CSMD2: variants seen among roughly 807,000 people sequenced by gnomAD.
CSMD2 encodes CUB and Sushi multiple domains 2.
Under a neutral mutation model 398.5 loss-of-function variants are expected in CSMD2, and 130 were observed. The observed-to-expected ratio is 0.33, with a 90% CI of 0.28 to 0.38. CSMD2 has a LOEUF of 0.38. CSMD2 is among the 10% of genes least tolerant of loss of function. CSMD2 has a pLI of 1.00. For missense variants in CSMD2, 3,829 were observed against 4,764.9 expected, an observed-to-expected ratio of 0.80 and a Z score of 5.78; for synonymous variants, 1,828 against 1,908.5, an observed-to-expected ratio of 0.96 and a Z score of 1.10.
rs141893546 is a variant in CSMD2 at position 33,571,644 on chromosome 1, C to T, written c.7845G>A (p.Gln2615=). ...RLIFETQYQF[Q]AQLMLICDPG... is the part of the protein sequence containing the mutation. The stretch of plus-strand genomic sequence containing the variant: ...GGTCACAGATGAGCATCAGCTGGGC[C>T]TGGAACTGATACTGTGTCTCAAAGA... The change falls in exon 51 of 71, where the codon CAG becomes CAA. Residue 2615 remains glutamine, a synonymous_variant. Transcript: ENST00000373381. 1 of 1,588,940 alleles carries T rather than the reference C, an allele frequency of 6.3e-7. No individual in the cohort carries two copies. The highest frequency in any genetic ancestry group is 8.6e-7 in the Non-Finnish European group (1 of 1,163,926).
At chr1:33,842,812 G>A (rs1660987082) in intron 6 of CSMD2, among the ~76,000 whole-genome samples, 1 of 152,122 alleles carries the variant, frequency 6.6e-6, no homozygotes, top group South Asian at 2.1e-4. Context: ...ATTCTTTGAT[G>A]GAGGGCCATA....
At chr1:33,892,046 AAATAAT>A (rs58301570) in intron 5 of CSMD2, among the ~76,000 whole-genome samples, 37 of 147,282 alleles carry the variant, frequency 2.5e-4, no homozygotes, top group Admixed American at 1.2e-3. Flanking sequence ...ACTTAAAGTA[AAATAAT>A]AATAATAATA....
At chr1:33,758,251 C>T (rs756246185) in intron 13 of CSMD2, among the ~76,000 whole-genome samples, 26 of 152,154 alleles carry the variant, frequency 1.7e-4, no homozygotes, top group Non-Finnish European at 3.1e-4. Context: ...CTAGAATGTT[C>T]GCTCCTCCCC....
intron 3 of CSMD2, among the ~76,000 whole-genome samples, chr1:33,969,219 C>T (rs1206384297): frequency 6.6e-6 from 1 of 152,206 alleles, no homozygotes; most frequent in Non-Finnish European, 1.5e-5. Context: ...CATACACAAC[C>T]AATTTCAAAG....
At chr1:33,901,157 AT>A (rs1470021694) in intron 5 of CSMD2, among the ~76,000 whole-genome samples, 1 of 152,226 alleles carries the variant, frequency 6.6e-6, no homozygotes, top group Non-Finnish European at 1.5e-5. Flanking sequence ...CATTCCACAC[AT>A]GTGATGGCCT....
intron 5 of CSMD2, chr1:33,864,633 C>G (rs777463654): frequency 3.3e-5 from 54 of 1,613,794 alleles, no homozygotes; most frequent in Non-Finnish European, 4.3e-5. Flanking sequence ...AAGAGTGGCT[C>G]TCCTGAGAGC....
intron 26 of CSMD2, among the ~76,000 whole-genome samples, chr1:33,658,811 C>T (rs138655494): frequency 6.6e-6 from 1 of 152,282 alleles, no homozygotes; most frequent in East Asian, 1.9e-4. Context: ...CTGCAGTGAG[C>T]CATGATCATG....
chr1:34,108,080 G>T (rs1020980), intron 1 of CSMD2, among the ~76,000 whole-genome samples: 3,039 of 152,246 alleles, frequency 0.02, 99 homozygotes, highest in African/African-American at 0.069. Context: ...TTGTCTGCTT[G>T]TCAACGGTGT....
At chr1:33,747,164 T>C (rs1647499383) in intron 13 of CSMD2, among the ~76,000 whole-genome samples, 1 of 152,130 alleles carries the variant, frequency 6.6e-6, no homozygotes, top group Admixed American at 6.5e-5. Context: ...TAGGATAAAG[T>C]TGAGGTTAAC....
rs1485582878 is a variant in CSMD2 at position 33,636,409 on chromosome 1, C to A, written c.4920G>T (p.Leu1640=). 1 of 1,613,826 alleles carries A rather than the reference C, an allele frequency of 6.2e-7. No homozygotes were observed. Among genetic ancestry groups the A allele is most frequent in the East Asian group, 2.2e-5 (1 of 44,864 alleles). Residue 1640 remains leucine (L), a synonymous_variant, in exon 30 of 71, where the codon CTG becomes CTT. Transcript: ENST00000373381. The surrounding 1 kb of genome is among the most constrained non-coding windows in gnomAD (Gnocchi z 4.8). ...VEGTSTLSCI[L]GPDGKPVWNN... The stretch of plus-strand genomic sequence containing the variant: ...TCCACACGGGCTTCCCATCAGGCCC[C>A]AGGATGCAGCTCAGGGTCGAGGTGC...
intron 28 of CSMD2, among the ~76,000 whole-genome samples, chr1:33,647,653 C>G (rs527573749): frequency 3.3e-5 from 5 of 152,094 alleles, no homozygotes; most frequent in Non-Finnish European, 5.9e-5. Flanking sequence ...TGAAAAAAGC[C>G]TCTATCAGAG....
chr1:34,060,371 G>C (rs889209905), intron 2 of CSMD2, among the ~76,000 whole-genome samples: 1 of 152,184 alleles, frequency 6.6e-6, no homozygotes, highest in Non-Finnish European at 1.5e-5. Context: ...CTTTATGACA[G>C]TCTTCATTTT....
intron 3 of CSMD2, among the ~76,000 whole-genome samples, chr1:33,965,131 G>A (rs1037962151): frequency 1.3e-5 from 2 of 152,316 alleles, no homozygotes; most frequent in Non-Finnish European, 2.9e-5. Context: ...ACCTTATGGA[G>A]CTTGAATCAA....
intron 25 of CSMD2, among the ~76,000 whole-genome samples, chr1:33,677,065 C>T (rs1261459106): frequency 6.6e-6 from 1 of 152,178 alleles, no homozygotes; most frequent in East Asian, 1.9e-4. Flanking sequence ...GACTTCATCT[C>T]TAAAACACCA....
At chr1:33,749,791 C>A (rs1647958726) in intron 13 of CSMD2, among the ~76,000 whole-genome samples, 2 of 152,034 alleles carry the variant, frequency 1.3e-5, no homozygotes, top group Non-Finnish European at 2.9e-5. Context: ...ATTTGAATTA[C>A]CAAAATTAGC....
At chr1:34,003,503 A>T (rs1646964634) in intron 3 of CSMD2, among the ~76,000 whole-genome samples, 1 of 152,164 alleles carries the variant, frequency 6.6e-6, no homozygotes, top group Non-Finnish European at 1.5e-5. Flanking sequence ...GGGTAATAAT[A>T]ATAGCTACCA....
chr1:33,899,072 C>A (rs576864597), intron 5 of CSMD2, among the ~76,000 whole-genome samples: 35 of 152,334 alleles, frequency 2.3e-4, no homozygotes, highest in South Asian at 1.7e-3. Context: ...AGGCCACAGA[C>A]CAGCAACGAG....
intron 13 of CSMD2, among the ~76,000 whole-genome samples, chr1:33,764,290 G>A (rs1650206046): frequency 6.6e-6 from 1 of 152,072 alleles, no homozygotes; most frequent in Admixed American, 6.6e-5. Flanking sequence ...ACACTTCCCA[G>A]GCTGCCCCAT....
At chr1:33,717,188 GATAGGTAGACGGGGGC>G (rs1464701709) in intron 19 of CSMD2, among the ~76,000 whole-genome samples, 4 of 152,142 alleles carry the variant, frequency 2.6e-5, no homozygotes, top group Non-Finnish European at 2.9e-5. Context: ...ATTGAAGCTG[GATAGGTAGACGGGGGC>G]CAGACCCAAT....
Sources: gnomAD v4.1 joint callset for allele counts (sites outside exome capture counted in the v4.1 genomes callset) on GRCh38, gnomAD v4.1.1 for gene constraint, Gnocchi (gnomAD v3.1) non-coding constraint, MANE v1.5 for transcripts, NCBI Gene and HGNC (gene_info 2026-07-23, HGNC 2026-07-21) for gene names.